ELMO1: variants seen among roughly 807,000 people sequenced by gnomAD.
ELMO1 encodes the protein engulfment and cell motility protein 1.
A neutral mutation model predicts 98.9 loss-of-function variants in ELMO1; 26 were observed. The ratio of observed to expected loss-of-function variants is 0.26; its 90% CI spans 0.19 to 0.36. ELMO1 has a LOEUF of 0.36. Among genes scored for constraint, ELMO1 ranks in the 10% least tolerant of loss-of-function variants. The pLI, the probability that ELMO1 is intolerant of heterozygous loss-of-function variation, is 1.00. For missense variants in ELMO1, 627 were observed against 935.2 expected (o/e 0.67, Z 4.30); for synonymous variants, 346 against 346.0 (o/e 1.00, Z 0.00).
In ELMO1 at chr7:37,181,317, C is replaced by T. The variant is rs1790846780; in HGVS notation, c.1086+30069G>A. On this transcript the variant is annotated intron_variant, in intron 13 of 21. Coordinates refer to ENST00000310758, the MANE Select transcript of ELMO1 (RefSeq NM_014800.11). ...AACTACTCCAAGGTAGTACTCCAGG[C>T]TAAGTCACCGAGAAGGAGGATGCCC... is the stretch of plus-strand genomic sequence containing the variant. Among the ~76,000 whole-genome samples the T allele has an allele frequency of 2.0e-5, 3 of 152,056 alleles. No individual in the cohort carries two copies. The South Asian group carries it at 6.3e-4, about 32-fold the overall frequency.
chr7:37,221,962 G>T (rs751627877), intron 10 of ELMO1, among the ~76,000 whole-genome samples: 8 of 152,196 alleles, frequency 5.3e-5, no homozygotes, highest in Non-Finnish European at 4.4e-5. Context: ...CTTCCCAAAG[G>T]GCTGGGACTA....
At chr7:36,989,685 C>T (rs897528525) in intron 16 of ELMO1, among the ~76,000 whole-genome samples, 6 of 152,082 alleles carry the variant, frequency 3.9e-5, no homozygotes, top group Non-Finnish European at 7.4e-5. Flanking sequence ...ATCATATAAT[C>T]CAAAGTTAAA....
chr7:37,043,831 C>T (rs940290956), intron 15 of ELMO1, among the ~76,000 whole-genome samples: 2 of 151,966 alleles, frequency 1.3e-5, no homozygotes, highest in Non-Finnish European at 2.9e-5. Context: ...GCTAGCTTTG[C>T]TGCCTGCTTT....
At chr7:36,868,852 A>C (rs1803266911) in intron 20 of ELMO1, among the ~76,000 whole-genome samples, 1 of 152,060 alleles carries the variant, frequency 6.6e-6, no homozygotes, top group South Asian at 2.1e-4. Flanking sequence ...TATTATTGCC[A>C]ATTTCTCCAC....
chr7:37,169,000 G>T lies in ELMO1; in HGVS notation c.1087-35766C>A, dbSNP rs1461873040. On this transcript the variant is annotated intron_variant, in intron 13 of 21. Transcript: ENST00000310758. ...AGCTGTGGTGGGCTCCAACCAGTTC[G>T]AGCTTCCCGGCTGCTTTGTTTACCT... Among the ~76,000 whole-genome samples, 6 of 152,264 alleles carry T rather than the reference G, an allele frequency of 3.9e-5. No homozygotes were observed. In the South Asian group the frequency reaches 1.2e-3, roughly 32 times the overall value.
At chr7:36,975,740 G>T (rs551500838) in intron 16 of ELMO1, among the ~76,000 whole-genome samples, 1 of 151,426 alleles carries the variant, frequency 6.6e-6, no homozygotes, top group African/African-American at 2.4e-5. Flanking sequence ...CCAGCTACTT[G>T]GGAGGCTAAG....
At chr7:37,297,997 ATC>A (rs1798132698) in intron 4 of ELMO1, among the ~76,000 whole-genome samples, 1 of 152,162 alleles carries the variant, frequency 6.6e-6, no homozygotes, top group Non-Finnish European at 1.5e-5. Flanking sequence ...TAGGATTTTG[ATC>A]TTTTTTTAAT....
intron 1 of ELMO1, among the ~76,000 whole-genome samples, chr7:37,344,194 G>A (rs533073403): frequency 5.3e-5 from 8 of 151,906 alleles, no homozygotes; most frequent in African/African-American, 1.7e-4. Flanking sequence ...ACCACATCCG[G>A]CTAACTTTTG....
intron 16 of ELMO1, among the ~76,000 whole-genome samples, chr7:37,005,938 G>A (rs34699952): frequency 0.14 from 20,774 of 152,102 alleles, 1,535 homozygotes; most frequent in Middle Eastern, 0.27. Flanking sequence ...TCATCAGGGC[G>A]CACAGCCATC....
Position 37,447,616 on chromosome 7 carries a change from G to A in ELMO1, c.-74+1059C>T, listed in dbSNP as rs1421993950. 2.0e-5 allele frequency among the ~76,000 whole-genome samples: 3 copies of A among 147,442 alleles called. No individual in the cohort carries two copies. In the East Asian group the frequency reaches 6.0e-4, roughly 29 times the overall value. ...CTGTGCGGTCACACACACACACACCGACTCACACACACACCCACAACACCC... is the reference window on the plus strand; with the variant it reads ...CTGTGCGGTCACACACACACACACCAACTCACACACACACCCACAACACCC... On this transcript the variant is annotated intron_variant, in intron 1 of 21. Transcript: ENST00000310758.
intron 16 of ELMO1, among the ~76,000 whole-genome samples, chr7:36,951,456 C>A (rs1247654232): frequency 6.6e-6 from 1 of 152,230 alleles, no homozygotes; most frequent in East Asian, 1.9e-4. Context: ...CTCCACACTT[C>A]ACATACCTAC....
At position 37,315,909 on chromosome 7, in the gene ELMO1, G is replaced by A. The variant is rs1799127449; in HGVS notation, c.119+11C>T. On this transcript the variant is annotated intron_variant, in intron 3 of 21. Coordinates refer to ENST00000310758, the MANE Select transcript of ELMO1 (RefSeq NM_014800.11). ...CTAGAATGCCTTAGATAAATCCTGA[G>A]TAACACTTACCCATCACAGACTTCC... The A allele has an allele frequency of 6.3e-7, 1 of 1,596,606 alleles. No homozygotes were observed. The highest frequency in any genetic ancestry group is 8.5e-7 in the Non-Finnish European group (1 of 1,174,434).
At chr7:37,030,301 ATATTT>A (rs1246926111) in intron 15 of ELMO1, among the ~76,000 whole-genome samples, 2 of 152,106 alleles carry the variant, frequency 1.3e-5, no homozygotes, top group Non-Finnish European at 2.9e-5. Flanking sequence ...TTCCTCACAG[ATATTT>A]TATTTCATTT....
chr7:37,325,910 A>T (rs1289289904), intron 2 of ELMO1, among the ~76,000 whole-genome samples: 1 of 152,188 alleles, frequency 6.6e-6, no homozygotes, highest in Non-Finnish European at 1.5e-5. Context: ...GCCTCGTGAC[A>T]TTGTGTCAAT....
At position 36,853,371 on chromosome 7, in the gene ELMO1, C is replaced by T. The variant is rs918064158; in HGVS notation, c.*2180G>A. Among the ~76,000 whole-genome samples the T allele has an allele frequency of 3.3e-5, 5 of 152,170 alleles. No individual in the cohort carries two copies. Among genetic ancestry groups the T allele is most frequent in the African/African-American group, 1.2e-4 (5 of 41,430 alleles). On this transcript the variant is annotated 3_prime_UTR_variant, in exon 22 of 22. Transcript: ENST00000310758. ...TTTCTTAAACCCAGTGTCTCAGGAC[C>T]TCAGAGATCCTGGTCCAGAAAGTTC...
intron 2 of ELMO1, among the ~76,000 whole-genome samples, chr7:37,328,888 C>A (rs1799958890): frequency 6.6e-6 from 1 of 152,210 alleles, no homozygotes; most frequent in East Asian, 1.9e-4. Flanking sequence ...CCAAAACTCT[C>A]TTTCCCAGTT....
At chr7:37,231,028 GC>G (rs2130610966) in intron 8 of ELMO1, among the ~76,000 whole-genome samples, 1 of 152,190 alleles carries the variant, frequency 6.6e-6, no homozygotes, top group African/African-American at 2.4e-5. Flanking sequence ...TTCCTTTATG[GC>G]AATTCATACC....
chr7:36,897,665 A>C lies in ELMO1; in HGVS notation c.1438-2648T>G, dbSNP rs140124329. Among the ~76,000 whole-genome samples, 3 of 152,304 alleles carry C rather than the reference A, an allele frequency of 2.0e-5. No individual in the cohort carries two copies. In the East Asian group the frequency reaches 5.8e-4, roughly 29 times the overall value. Reference sequence around the variant, plus strand: ...ACAGGCTCATGGGTGCACCTCTGCAAGGAAATCATGATGATCCCTTATGGA... The same window carrying C: ...ACAGGCTCATGGGTGCACCTCTGCACGGAAATCATGATGATCCCTTATGGA... On this transcript the variant is annotated intron_variant, in intron 16 of 21. Coordinates refer to ENST00000310758, the MANE Select transcript of ELMO1 (RefSeq NM_014800.11).
chr7:37,418,134 C>T (rs1171552675), intron 1 of ELMO1, among the ~76,000 whole-genome samples: 2 of 152,134 alleles, frequency 1.3e-5, no homozygotes, highest in Non-Finnish European at 2.9e-5. Context: ...CAGGCTCTCC[C>T]CAGCTACTCT....
Sources: allele counts gnomAD v4.1 joint callset (sites outside exome capture counted in the v4.1 genomes callset), GRCh38; gene constraint gnomAD v4.1.1; transcripts MANE v1.5; gene names NCBI Gene and HGNC (gene_info 2026-07-23, HGNC 2026-07-21).